The following DCC variants were observed in gnomAD, a reference collection of about 807,000 sequenced individuals.
DCC encodes netrin receptor DCC.
Under a neutral mutation model 172.5 loss-of-function variants are expected in DCC, and 58 were observed. That is an observed-to-expected ratio of 0.34 (90% CI 0.27 to 0.42). The LOEUF (loss-of-function observed/expected upper bound fraction) is 0.42, where lower values mean the gene tolerates loss of function less well. Among genes scored for constraint, DCC ranks in the 10% least tolerant of loss-of-function variants. DCC has a pLI of 1.00. For synonymous variants in DCC, 709 were observed against 644.5 expected (o/e 1.10, Z -1.52); for missense variants, 1,740 against 1,791.0 (o/e 0.97, Z 0.51).
intron 15 of DCC, among the ~76,000 whole-genome samples, chr18:53,370,905 C>A (rs1240638680): frequency 6.6e-6 from 1 of 151,568 alleles, no homozygotes. Context: ...ATGATTCATG[C>A]TTAACCAACA....
At chr18:53,462,488 A>T (rs1170249958) in intron 24 of DCC, among the ~76,000 whole-genome samples, 1 of 151,656 alleles carries the variant, frequency 6.6e-6, no homozygotes, top group Non-Finnish European at 1.5e-5. Flanking sequence ...AGATGGGACC[A>T]TCTAGTTGCA....
intron 15 of DCC, among the ~76,000 whole-genome samples, chr18:53,351,355 T>TGTATATATATAC (rs1491450256): frequency 1.1e-3 from 53 of 49,624 alleles, no homozygotes; most frequent in Non-Finnish European, 2.6e-3. Context: ...ATATACACAG[T>TGTATATATATAC]ATATATATAT....
chr18:53,298,617 T>A (rs1439357925), intron 12 of DCC, among the ~76,000 whole-genome samples: 1 of 151,372 alleles, frequency 6.6e-6, no homozygotes. Context: ...ATTAAAAGGT[T>A]CTAATTCTTG....
chr18:52,911,766 CTG>C (rs1472549891), intron 3 of DCC, among the ~76,000 whole-genome samples: 1 of 151,430 alleles, frequency 6.6e-6, no homozygotes, highest in Non-Finnish European at 1.5e-5. Context: ...GTTTCTCATA[CTG>C]TGTTTTCTTT....
At chr18:53,368,817 G>A (rs969467024) in intron 15 of DCC, among the ~76,000 whole-genome samples, 4 of 151,894 alleles carry the variant, frequency 2.6e-5, no homozygotes, top group African/African-American at 9.7e-5. Context: ...ATATATGCTA[G>A]TACCACACTA....
At chr18:53,340,415 A>G (rs1455497715) in intron 15 of DCC, among the ~76,000 whole-genome samples, 1 of 152,170 alleles carries the variant, frequency 6.6e-6, no homozygotes, top group African/African-American at 2.4e-5. Context: ...TGTCATTATG[A>G]CTGCAAAAGA....
intron 8 of DCC, among the ~76,000 whole-genome samples, chr18:53,167,501 G>A (rs995154799): frequency 2.0e-5 from 3 of 152,160 alleles, no homozygotes; most frequent in African/African-American, 7.2e-5. Flanking sequence ...AATAAATGGG[G>A]ATGGAACAAG....
At chr18:53,255,134 C>A (rs1196856959) in intron 12 of DCC, among the ~76,000 whole-genome samples, 17 of 152,028 alleles carry the variant, frequency 1.1e-4, no homozygotes. Flanking sequence ...TTCTAGCTTC[C>A]TGGGTATTCC....
chr18:52,589,880 A>G (rs1294168948), intron 1 of DCC, among the ~76,000 whole-genome samples: 1 of 152,186 alleles, frequency 6.6e-6, no homozygotes, highest in African/African-American at 2.4e-5. Context: ...GTTTGTATAA[A>G]TTATTTGAGA....
chr18:52,849,906 A>G (rs1024307784), intron 2 of DCC, among the ~76,000 whole-genome samples: 3 of 152,180 alleles, frequency 2.0e-5, no homozygotes, highest in East Asian at 1.9e-4. Flanking sequence ...AAAAACATCC[A>G]AGCCCAGAAA....
intron 27 of DCC, among the ~76,000 whole-genome samples, chr18:53,507,493 A>C (rs1234629862): frequency 6.6e-6 from 1 of 152,212 alleles, no homozygotes; most frequent in Non-Finnish European, 1.5e-5. Context: ...GTCATGTTAA[A>C]CATCTTGTGT....
chr18:53,006,577 C>A (rs1041940362), intron 5 of DCC, among the ~76,000 whole-genome samples: 7 of 152,088 alleles, frequency 4.6e-5, no homozygotes, highest in Non-Finnish European at 4.4e-5. Context: ...ACTGAAGAAT[C>A]CCACGTGAAT....
At chr18:52,955,658 C>A (rs1326851942) in intron 5 of DCC, among the ~76,000 whole-genome samples, 1 of 152,056 alleles carries the variant, frequency 6.6e-6, no homozygotes, top group Non-Finnish European at 1.5e-5. Flanking sequence ...ATTTTGCATT[C>A]CCACCAATAA....
intron 27 of DCC, among the ~76,000 whole-genome samples, chr18:53,506,961 C>T (rs1163969651): frequency 6.6e-6 from 1 of 151,914 alleles, no homozygotes; most frequent in East Asian, 1.9e-4. Context: ...TGATTTTGCT[C>T]TTCTGAATCT....
rs984774245 is a variant in DCC at position 52,432,036 on chromosome 18, C to T, written c.91+91158C>T. ...TCTTCCTCCTATTTTATCTCTAGCA[C>T]ACACTTTGCTGCACTGTTTGCCACT... On this transcript the variant is annotated intron_variant, in intron 1 of 28. Coordinates refer to ENST00000442544, the MANE Select transcript of DCC (RefSeq NM_005215.4). Among the ~76,000 whole-genome samples the T allele has an allele frequency of 2.6e-5, 4 of 152,152 alleles. No individual in the cohort carries two copies. The East Asian group carries it at 7.7e-4, about 29-fold the overall frequency.
At chr18:53,158,537 G>C (rs988328890) in intron 8 of DCC, among the ~76,000 whole-genome samples, 15 of 152,148 alleles carry the variant, frequency 9.9e-5, no homozygotes, top group African/African-American at 3.6e-4. Context: ...ATAAACCAAA[G>C]TGTTATTTAG....
chr18:52,837,603 G>C (rs1165500734), intron 2 of DCC, among the ~76,000 whole-genome samples: 1 of 152,106 alleles, frequency 6.6e-6, no homozygotes, highest in Non-Finnish European at 1.5e-5. Context: ...ATCACTGTCA[G>C]CATTTTGGTC....
chr18:52,537,958 T>C lies in DCC; in HGVS notation c.91+197080T>C, dbSNP rs1598896759. ...AGGATTAATTTTTCTTGCCTATAAT[T>C]CAAATGTTACACTTTTTGTTTAGGC... On this transcript the variant is annotated intron_variant, in intron 1 of 28. Transcript: ENST00000442544. Among the ~76,000 whole-genome samples the C allele has an allele frequency of 3.3e-5, 5 of 152,366 alleles. No homozygotes were observed. The South Asian group carries it at 1.0e-3, about 32-fold the overall frequency.
At chr18:52,538,661 C>T (rs977329723) in intron 1 of DCC, among the ~76,000 whole-genome samples, 1 of 152,194 alleles carries the variant, frequency 6.6e-6, no homozygotes, top group Non-Finnish European at 1.5e-5. Flanking sequence ...AGCCCTTTCA[C>T]AGGGCCAGCC....
Sources: gnomAD v4.1 joint callset for allele counts (sites outside exome capture counted in the v4.1 genomes callset) on GRCh38, gnomAD v4.1.1 for gene constraint, MANE v1.5 for transcripts, NCBI Gene and HGNC (gene_info 2026-07-23, HGNC 2026-07-21) for gene names.